Variants in PDXDC1 observed in about 807,000 individuals in gnomAD.
The protein encoded by PDXDC1 is pyridoxal dependent decarboxylase domain containing 1.
Under a neutral mutation model 100.1 loss-of-function variants are expected in PDXDC1, and 42 were observed. The observed-to-expected ratio is 0.42, with a 90% confidence interval of 0.33 to 0.54. The LOEUF (loss-of-function observed/expected upper bound fraction) is 0.54, where lower values mean the gene tolerates loss of function less well. Among genes scored for constraint, PDXDC1 ranks in the 20% least tolerant of loss-of-function variants. The pLI is 0.10. For synonymous variants in PDXDC1, 260 were observed against 371.7 expected (o/e 0.70, Z 3.46); for missense variants, 636 against 979.2 (o/e 0.65, Z 4.68).
At chr16:15,131,832 G>A (rs1156583604) in intron 16 of PDXDC1, 1 of 341,030 alleles carries the variant, frequency 2.9e-6, no homozygotes, top group South Asian at 2.3e-5. Context: ...AGAGAGCGAG[G>A]TGCAGGCAGA....
intron 1 of PDXDC1, among the ~76,000 whole-genome samples, chr16:14,988,078 G>A (rs189841299): frequency 4.7e-5 from 7 of 150,222 alleles, no homozygotes; most frequent in South Asian, 2.1e-4. Flanking sequence ...CCCTCCCCAC[G>A]TGACACTCAT....
intron 1 of PDXDC1, among the ~76,000 whole-genome samples, chr16:14,978,144 A>T (rs1442409788): frequency 6.6e-6 from 1 of 152,244 alleles, no homozygotes; most frequent in African/African-American, 2.4e-5. Flanking sequence ...ATCTGAGATC[A>T]GTGATGTCCC....
At chr16:15,020,975 AACAC>A (rs66850292) in intron 12 of PDXDC1, among the ~76,000 whole-genome samples, 5,181 of 145,300 alleles carry the variant, frequency 0.036, 2 homozygotes, top group Middle Eastern at 0.046. Flanking sequence ...GCACCATCTA[AACAC>A]ACACACACAC....
Position 15,055,390 on chromosome 16 carries a change from A to G in PDXDC1, c.1399+25334A>G, listed in dbSNP as rs369324519. Among the ~76,000 whole-genome samples the G allele has an allele frequency of 2.5e-4, 38 of 152,210 alleles. No homozygotes were observed. In the East Asian group the frequency reaches 6.0e-3, roughly 24 times the overall value. ...GCGCCCTACGCCCCGGGGGTAGGGGAGAGAGAGGAGGAAGGACTGGGGGTC... is the reference window on the plus strand; with the variant it reads ...GCGCCCTACGCCCCGGGGGTAGGGGGGAGAGAGGAGGAAGGACTGGGGGTC... On this transcript the variant is annotated intron_variant, in intron 16 of 16. Coordinates refer to the PDXDC1 transcript ENST00000535621.
At chr16:15,029,585 C>T (rs1181269335) in intron 15 of PDXDC1, 20 of 440,130 alleles carry the variant, frequency 4.5e-5, no homozygotes, top group Non-Finnish European at 7.4e-5. Context: ...GGTTACTAAG[C>T]AGTGTCAAGT....
downstream of PDXDC1, among the ~76,000 whole-genome samples, chr16:15,144,087 C>T (rs535750371): frequency 2.2e-4 from 33 of 152,288 alleles, no homozygotes; most frequent in Non-Finnish European, 4.6e-4. Context: ...TGCCAGGCCC[C>T]GTCCTCTCCT....
rs2043178012 is a variant in PDXDC1 at position 15,033,288 on chromosome 16, T to G, written c.1701T>G (p.Tyr567Ter). Residue 567 changes from tyrosine (Y) to a stop codon, truncating the protein, a stop_gained, in exon 19 of 23, where the codon TAT (tyrosine) becomes TAG (stop). Coordinates refer to ENST00000396410, the MANE Select transcript of PDXDC1 (RefSeq NM_015027.4). LOFTEE classifies it high-confidence loss of function. Reference sequence around the variant, plus strand: ...TCGTTACCTTTGCAGGCCCTGAGTATAAGAGCATGAAGAGCTGCCTTTATG... The same window carrying G: ...TCGTTACCTTTGCAGGCCCTGAGTAGAAGAGCATGAAGAGCTGCCTTTATG... ...SDLTFKIGPE[Y>*]KSMKSCLYVG... The G allele has an allele frequency of 5.0e-6, 8 of 1,614,182 alleles. No homozygotes were observed. The highest frequency in any genetic ancestry group is 5.9e-6 in the Non-Finnish European group (7 of 1,180,026).
intron 16 of PDXDC1, chr16:15,104,261 A>G: frequency 7.4e-7 from 1 of 1,359,172 alleles, no homozygotes; most frequent in Non-Finnish European, 9.7e-7. Context: ...CAGGTCCCTC[A>G]GGCAATCATA....
chr16:15,129,021 G>A (rs1160195736), intron 16 of PDXDC1, among the ~76,000 whole-genome samples: 1 of 151,158 alleles, frequency 6.6e-6, no homozygotes, highest in Non-Finnish European at 1.5e-5. Context: ...TAGCCAGGAT[G>A]GTCTCGATCT....
At chr16:14,998,226 A>G in intron 2 of PDXDC1, 114 bp from the exon 3 acceptor site, 2 of 975,328 alleles carry the variant, frequency 2.1e-6, no homozygotes, top group Non-Finnish European at 3.0e-6. Flanking sequence ...TGTGTTTGAA[A>G]TCCTGCCTCA....
intron 16 of PDXDC1, chr16:15,130,749 T>G (rs746316837): frequency 2.9e-6 from 4 of 1,371,200 alleles, no homozygotes; most frequent in Non-Finnish European, 4.1e-6. Context: ...CGAGTGCAGG[T>G]AGACTGCCAG....
At chr16:15,131,634 C>G in intron 16 of PDXDC1, 4 of 1,587,152 alleles carry the variant, frequency 2.5e-6, no homozygotes, top group Non-Finnish European at 8.6e-7. Context: ...CCACCATCCG[C>G]GATGGTGACT....
At position 15,097,817 on chromosome 16, in the gene PDXDC1, C is replaced by A. The variant is rs377267407; in HGVS notation, c.1400-41062C>A. Among the ~76,000 whole-genome samples the A allele has an allele frequency of 5.9e-5, 9 of 151,610 alleles. No homozygotes were observed. In the East Asian group the frequency reaches 1.4e-3, roughly 23 times the overall value. On this transcript the variant is annotated intron_variant, in intron 16 of 16. Transcript: ENST00000535621. ...GATTTTTAAAAGTCATTTTAGTTTT[C>A]TTTGAATAATTATCATATTTATACT... is the stretch of plus-strand genomic sequence containing the variant.
intron 16 of PDXDC1, chr16:15,108,020 A>G (rs2046875427): frequency 1.2e-6 from 1 of 813,530 alleles, no homozygotes; most frequent in Non-Finnish European, 1.5e-6. Context: ...TCGACTTTAA[A>G]GATCCTGAAA....
At chr16:15,143,587 A>G (rs2048507744), downstream of PDXDC1, among the ~76,000 whole-genome samples, 1 of 152,138 alleles carries the variant, frequency 6.6e-6, no homozygotes, top group Admixed American at 6.5e-5. Flanking sequence ...AGTTGGCGCG[A>G]GGGTGGGTGA....
At chr16:15,089,679 A>G (rs1411915492) in intron 16 of PDXDC1, among the ~76,000 whole-genome samples, 2 of 147,482 alleles carry the variant, frequency 1.4e-5, no homozygotes, top group South Asian at 4.4e-4. Flanking sequence ...GGGCGAGTGT[A>G]GTCTCAGCTA....
intron 18 of PDXDC1, 40 bp downstream of exon 18, chr16:15,033,019 G>A: frequency 7.9e-7 from 1 of 1,265,292 alleles, no homozygotes; most frequent in Non-Finnish European, 1.2e-6. Flanking sequence ...GGGTTTGGAA[G>A]GACACTTGGT....
chr16:15,023,169 T>G (rs2042333800), intron 13 of PDXDC1, among the ~76,000 whole-genome samples: 1 of 152,286 alleles, frequency 6.6e-6, no homozygotes, highest in Non-Finnish European at 1.5e-5. Context: ...AGTTTTCATT[T>G]GCATGAAGTG....
chr16:15,137,395 C>T (rs891971740), intron 16 of PDXDC1: 17 of 1,512,046 alleles, frequency 1.1e-5, no homozygotes, highest in East Asian at 9.8e-5. Flanking sequence ...AGCCCTGCTC[C>T]GAGAGGGCTG....
Sources: allele counts gnomAD v4.1 joint callset (sites outside exome capture counted in the v4.1 genomes callset), GRCh38; gene constraint gnomAD v4.1.1; transcripts MANE v1.5; gene names NCBI Gene and HGNC (gene_info 2026-07-23, HGNC 2026-07-21).